The following USP48 variants were observed in gnomAD, a reference collection of about 807,000 sequenced individuals.
The protein encoded by USP48 is ubiquitin carboxyl-terminal hydrolase 48.
A neutral mutation model predicts 150.7 loss-of-function variants in USP48; 43 were observed. The ratio of observed to expected loss-of-function variants is 0.29; its 90% CI spans 0.22 to 0.37. The LOEUF is 0.37. Ranked by LOEUF, USP48 falls within the 10% of genes least tolerant of loss-of-function variation. The pLI, the probability that USP48 is intolerant of heterozygous loss-of-function variation, is 1.00. For missense variants in USP48, 813 were observed against 1,249.6 expected (o/e 0.65, Z 5.27); for synonymous variants, 396 against 425.9 (o/e 0.93, Z 0.86).
chr1:21,709,023 C>T (rs1347979021), intron 15 of USP48, among the ~76,000 whole-genome samples: 1 of 151,988 alleles, frequency 6.6e-6, no homozygotes, highest in Non-Finnish European at 1.5e-5. Context: ...GATCCTCCTG[C>T]CTTAGCCTCC....
At chr1:21,759,676 G>C (rs745791432) in intron 1 of USP48, among the ~76,000 whole-genome samples, 1 of 152,134 alleles carries the variant, frequency 6.6e-6, no homozygotes, top group Non-Finnish European at 1.5e-5. Context: ...ACAAAATTTA[G>C]CAACAAAATG....
At chr1:21,728,835 A>G in intron 10 of USP48, 116 bp from the exon 11 acceptor site, 3 of 1,267,046 alleles carry the variant, frequency 2.4e-6, no homozygotes, top group Non-Finnish European at 3.2e-6. Flanking sequence ...AATTCCAACT[A>G]TGGTCTCCCT....
rs759295894 is a variant in USP48, at chr1:21,715,399, C to T, written c.1953G>A (p.Leu651=). ...ATGCTTCTAGCTTACCATGTGGACA[C>T]AGAATATCTTCATTAAAATTTAATT... The part of the protein sequence containing the change: ...EEELNFNEDI[L]CPHGELCISE... The change falls in exon 15 of 27, where the codon CTG becomes CTA. Residue 651 remains leucine (L), a synonymous_variant. Coordinates refer to ENST00000308271, the MANE Select transcript of USP48 (RefSeq NM_032236.8). The T allele has an allele frequency of 6.3e-6, 10 of 1,592,486 alleles. No individual in the cohort carries two copies. The African/African-American group carries it at 1.2e-4, about 19-fold the overall frequency.
chr1:21,728,781 C>T (rs2097747077), intron 10 of USP48, 62 bp from the exon 11 acceptor site: 3 of 1,569,962 alleles, frequency 1.9e-6, no homozygotes, highest in Non-Finnish European at 2.6e-6. Flanking sequence ...GTGAACCATG[C>T]TAATCTCTAA....
At chr1:21,774,294 CTG>C (rs761436395) in intron 1 of USP48, among the ~76,000 whole-genome samples, 1 of 151,852 alleles carries the variant, frequency 6.6e-6, no homozygotes. Flanking sequence ...AAATTTGTAA[CTG>C]TGAGATAACA....
At chr1:21,713,978 A>C (rs1171073417) in intron 15 of USP48, among the ~76,000 whole-genome samples, 1 of 152,152 alleles carries the variant, frequency 6.6e-6, no homozygotes, top group Non-Finnish European at 1.5e-5. Context: ...TCACTTCGCA[A>C]GCTAAAGTGC....
rs1278002790 is a variant in USP48, at chr1:21,729,786, T to C, written c.1218A>G (p.Gly406=). 6.2e-7 allele frequency: 1 copy of C among 1,614,142 alleles called. No homozygotes were observed. The highest frequency in any genetic ancestry group is 1.3e-5 in the African/African-American group (1 of 75,074). The change falls in exon 10 of 27, where the codon GGA becomes GGG. Residue 406 remains glycine, a synonymous_variant. Transcript: ENST00000308271. ...SQTRKPKCGK[G]THCSRNAYML... ...TATATGCATTTCGAGAGCAATGAGT[T>C]CCTTTGCCACACTTGGGTTTACGTG...
intron 14 of USP48, among the ~76,000 whole-genome samples, chr1:21,720,513 T>G (rs951609790): frequency 6.6e-6 from 1 of 151,660 alleles, no homozygotes. Flanking sequence ...TTTGCTCATT[T>G]TTTGGGTTTT....
At chr1:21,719,289 T>TAA (rs768685471) in intron 14 of USP48, among the ~76,000 whole-genome samples, 23 of 119,900 alleles carry the variant, frequency 1.9e-4, no homozygotes, top group African/African-American at 7.1e-4. Context: ...CTCAAAAAAG[T>TAA]AAAAAAAAAA....
chr1:21,751,531 T>C lies in USP48; in HGVS notation c.750A>G (p.Thr250=), dbSNP rs1461584467. ...CCTTCAAAAATTCCGAGATACAATC[T>C]GTTAACTGTTTGTGGCCTTGGATAT... ...ELNIQGHKQL[T]DCISEFLKEE... The change falls in exon 6 of 27, where the codon ACA becomes ACG. Residue 250 remains threonine, a synonymous_variant. Coordinates refer to ENST00000308271, the MANE Select transcript of USP48 (RefSeq NM_032236.8). 1 of 1,613,750 alleles carries C rather than the reference T, an allele frequency of 6.2e-7. No individual in the cohort carries two copies. Among genetic ancestry groups the C allele is most frequent in the East Asian group, 2.2e-5 (1 of 44,850 alleles).
chr1:21,696,382 G>A (rs1240002502), intron 22 of USP48, among the ~76,000 whole-genome samples: 2 of 152,248 alleles, frequency 1.3e-5, no homozygotes, highest in Admixed American at 1.3e-4. Context: ...AGGCTGCGGT[G>A]AGCCGAGATT....
chr1:21,701,439 G>T, intron 22 of USP48, 59 bp downstream of exon 22: 1 of 1,438,914 alleles, frequency 6.9e-7, no homozygotes, highest in Non-Finnish European at 9.8e-7. Flanking sequence ...GGGGCTTCGA[G>T]TGGCTGCTCT....
At position 21,765,901 on chromosome 1, in the gene USP48, C is replaced by CAAAAAAAAAAA. The variant is rs199539331; in HGVS notation, c.135-8129_135-8119dup. 4.5e-5 allele frequency among the ~76,000 whole-genome samples: 5 copies of CAAAAAAAAAAA among 112,150 alleles called. 1 individual carries two copies. Among genetic ancestry groups the CAAAAAAAAAAA allele is most frequent in the African/African-American group, 2.1e-4 (5 of 24,340 alleles). 73.6% of individuals were successfully genotyped at this position (112,150 alleles called of 152,430 possible). ...GGGCAACAAAGTGAGACTCCATCTC[C>CAAAAAAAAAAA]AAAAAAAAAAAAAAAAAAAAAAAAA... is the stretch of plus-strand genomic sequence containing the variant. On this transcript the variant is annotated intron_variant, in intron 1 of 26. Coordinates refer to ENST00000308271, the MANE Select transcript of USP48 (RefSeq NM_032236.8).
At chr1:21,769,370 G>A (rs1272731924) in intron 1 of USP48, among the ~76,000 whole-genome samples, 1 of 151,930 alleles carries the variant, frequency 6.6e-6, no homozygotes, top group African/African-American at 2.4e-5. Context: ...AATAGACGTT[G>A]GGGTCTTACT....
chr1:21,781,264 C>CA (rs1335125568), intron 1 of USP48, among the ~76,000 whole-genome samples: 4 of 150,382 alleles, frequency 2.7e-5, no homozygotes, highest in African/African-American at 9.7e-5. Flanking sequence ...ACTAAAAATA[C>CA]AAAAAATAAA....
At chr1:21,777,380 T>A (rs2097902469) in intron 1 of USP48, among the ~76,000 whole-genome samples, 1 of 151,736 alleles carries the variant, frequency 6.6e-6, no homozygotes, top group African/African-American at 2.4e-5. Context: ...AAAAAAATAG[T>A]ACAATGTTGG....
Position 21,776,616 on chromosome 1 carries a change from A to G in USP48, c.134+6208T>C, listed in dbSNP as rs866686439. ...TCAAAAAAAAAAAAAAAAAAAAAAA[A>G]AAGAAGAAAGTGAGTAGAAAGAGAG... On this transcript the variant is annotated intron_variant, in intron 1 of 26. Coordinates refer to ENST00000308271, the MANE Select transcript of USP48 (RefSeq NM_032236.8). Among the ~76,000 whole-genome samples the G allele has an allele frequency of 1.3e-3, 197 of 149,606 alleles. 2 individuals are homozygous for G. Among genetic ancestry groups the G allele is most frequent in the African/African-American group, 4.3e-3 (175 of 40,812 alleles).
intron 1 of USP48, among the ~76,000 whole-genome samples, chr1:21,773,254 C>CAAAAAAAAAAAAAAAAAAA (rs60704662): frequency 1.5e-5 from 1 of 66,170 alleles, no homozygotes; most frequent in Non-Finnish European, 3.1e-5. Flanking sequence ...GACTCGGTCT[C>CAAAAAAAAAAAAAAAAAAA]AAAAAAAAAA....
intron 25 of USP48, among the ~76,000 whole-genome samples, chr1:21,682,473 A>C (rs2097568611): frequency 6.8e-6 from 1 of 146,710 alleles, no homozygotes; most frequent in Admixed American, 6.8e-5. Context: ...TTTATAGGTT[A>C]TTTTCCAGCT....
Sources: gnomAD v4.1 joint callset for allele counts (sites outside exome capture counted in the v4.1 genomes callset) on GRCh38, gnomAD v4.1.1 for gene constraint, MANE v1.5 for transcripts, NCBI Gene and HGNC (gene_info 2026-07-23, HGNC 2026-07-21) for gene names.